Variants in NUP160 observed in about 807,000 individuals in gnomAD.
NUP160 encodes nucleoporin 160.
A neutral mutation model predicts 196.9 loss-of-function variants in NUP160; 94 were observed. The ratio of observed to expected loss-of-function variants is 0.48; its 90% confidence interval spans 0.40 to 0.57. The LOEUF is 0.57. Ranked by LOEUF, NUP160 falls within the 20% of genes least tolerant of loss-of-function variation. The pLI, the probability that NUP160 is intolerant of heterozygous loss-of-function variation, is 0.00. For missense variants in NUP160, 1,638 were observed against 1,748.3 expected, an observed-to-expected ratio of 0.94 and a Z score of 1.13; for synonymous variants, 605 against 619.7, an observed-to-expected ratio of 0.98 and a Z score of 0.35.
chr11:47,842,127 A>T (rs1166530384), intron 2 of NUP160, among the ~76,000 whole-genome samples: 1 of 151,920 alleles, frequency 6.6e-6, no homozygotes, highest in Admixed American at 6.6e-5. Flanking sequence ...GTCTCTTCTC[A>T]TGAATCCTAT....
At chr11:47,848,333 C>T (rs1260148427) in exon 1 of NUP160, 1 of 1,613,670 alleles carries the variant, frequency 6.2e-7, no homozygotes, top group African/African-American at 1.3e-5. Context: ...CCGCCGTCGC[C>T]GCGACGCCCA....
At chr11:47,792,662 T>C (rs1163131131) in intron 28 of NUP160, 124 bp downstream of exon 28, 1 of 900,692 alleles carries the variant, frequency 1.1e-6, no homozygotes, top group East Asian at 2.7e-5. Context: ...TTTTCACAAA[T>C]ATCTCAGTAG....
rs75794871 is a variant in NUP160 at position 47,807,213 on chromosome 11, G to A, written c.2376-73C>T. 1,303 of 875,088 alleles carry A rather than the reference G, an allele frequency of 1.5e-3. 15 individuals are homozygous for A. The African/African-American group carries it at 0.018, about 12-fold the overall frequency. The allele number at this position is 875,088 out of a possible 1,614,324, so 54.2% of individuals were successfully genotyped here. On this transcript the variant is annotated intron_variant, in intron 18 of 35. Transcript: ENST00000378460. ...ACATTACTTCTACAAGCTCTTCTACGAAGAACACTGTCAATTTAATTAATA... is the reference window on the plus strand; with the variant it reads ...ACATTACTTCTACAAGCTCTTCTACAAAGAACACTGTCAATTTAATTAATA...
intron 7 of NUP160, among the ~76,000 whole-genome samples, chr11:47,824,518 G>A (rs1219361662): frequency 2.0e-5 from 3 of 151,892 alleles, no homozygotes; most frequent in East Asian, 1.9e-4. Flanking sequence ...GCTGAGGTAG[G>A]AGAATGGTGT....
At chr11:47,823,087 C>G (rs1411193024) in intron 7 of NUP160, among the ~76,000 whole-genome samples, 1 of 152,160 alleles carries the variant, frequency 6.6e-6, no homozygotes, top group East Asian at 1.9e-4. Context: ...ATATACCCAG[C>G]AATGGGATGG....
At chr11:47,779,337 T>C (rs1042528479) in intron 35 of NUP160, 143 bp from the exon 36 acceptor site, 7 of 598,212 alleles carry the variant, frequency 1.2e-5, no homozygotes, top group East Asian at 8.7e-5. Context: ...CCATTTGTTA[T>C]AGGAGTCTCC....
rs1331544265 is a variant in NUP160 at position 47,847,939 on chromosome 11, C to CA, written c.222dup (p.Gly75TrpfsTer7). 6.2e-7 allele frequency: 1 copy of CA among 1,613,994 alleles called. No individual in the cohort carries two copies. The highest frequency in any genetic ancestry group is 8.5e-7 in the Non-Finnish European group (1 of 1,179,992). On this transcript the variant is annotated frameshift_variant, in exon 2 of 36. Coordinates refer to ENST00000378460, the Ensembl canonical transcript of NUP160. LOFTEE classifies it high-confidence loss of function. ...GCGCTTTCACTGTATTTTACGGCGC[C>CA]AGCCACGGCATTTGCAGTCCCTGCA...
At chr11:47,834,098 A>G (rs1038654386) in intron 7 of NUP160, among the ~76,000 whole-genome samples, 44 of 152,220 alleles carry the variant, frequency 2.9e-4, no homozygotes, top group African/African-American at 9.6e-4. Context: ...TAGATACTGC[A>G]TAATATAAAA....
chr11:47,814,476 G>A (rs527722615), intron 13 of NUP160, among the ~76,000 whole-genome samples: 2 of 151,756 alleles, frequency 1.3e-5, no homozygotes, highest in South Asian at 4.2e-4. Context: ...AGTAGGCGGA[G>A]GTTGCAGTGA....
rs558863897 is a variant in NUP160 at position 47,798,396 on chromosome 11, G to A, written c.2963C>T (p.Thr988Ile). The change falls in exon 24 of 36, where the codon ACT (threonine) becomes ATT (isoleucine). Residue 988 changes from threonine (T) to isoleucine (I), a missense_variant. This residue lies in a region of NUP160 where 1,345 missense variants were observed against 1,470.2 expected (regional missense o/e 0.91). Coordinates refer to ENST00000378460, the Ensembl canonical transcript of NUP160. ...ACTTTTCCAGTCATCACCTGCTTCA[G>A]TTATGGCTGATGTAGCCAACTGAAT... 4.5e-5 allele frequency: 73 copies of A among 1,611,226 alleles called. 1 individual carries two copies. The South Asian group carries it at 6.6e-4, about 15-fold the overall frequency.
At chr11:47,816,735 C>CA (rs2097684689) in intron 11 of NUP160, among the ~76,000 whole-genome samples, 2 of 151,774 alleles carry the variant, frequency 1.3e-5, no homozygotes, top group Admixed American at 1.3e-4. Flanking sequence ...AAGATCGTGC[C>CA]ACCGCACTCC....
At chr11:47,828,394 A>G (rs1386865597) in intron 7 of NUP160, among the ~76,000 whole-genome samples, 2 of 152,230 alleles carry the variant, frequency 1.3e-5, no homozygotes, top group Non-Finnish European at 2.9e-5. Context: ...AATAGCATCA[A>G]AAAGAATCAA....
exon 36 of NUP160, chr11:47,778,983 A>G (rs774868291): frequency 1.4e-6 from 1 of 708,614 alleles, no homozygotes; most frequent in South Asian, 1.5e-5. Flanking sequence ...CAGAATGCAG[A>G]CTTGAATGTT....
intron 14 of NUP160, 110 bp downstream of exon 14, chr11:47,813,206 T>TA: frequency 9.9e-7 from 1 of 1,010,358 alleles, no homozygotes; most frequent in Non-Finnish European, 1.5e-6. Flanking sequence ...TGTGGTGTGG[T>TA]AAAGTGACCA....
upstream of NUP160, chr11:47,848,479 G>T (rs1599355774): frequency 2.2e-6 from 3 of 1,344,150 alleles, no homozygotes; most frequent in Admixed American, 7.5e-5. Context: ...GGGAGAATGA[G>T]GGTGGGCAGC....
rs537759487 is a variant in NUP160 at position 47,801,506 on chromosome 11, C to T, written c.2895+305G>A. Among the ~76,000 whole-genome samples, 20 of 152,166 alleles carry T rather than the reference C, an allele frequency of 1.3e-4. No homozygotes were observed. The South Asian group carries it at 3.3e-3, about 25-fold the overall frequency. On this transcript the variant is annotated intron_variant, in intron 23 of 35. Coordinates refer to ENST00000378460, the Ensembl canonical transcript of NUP160. ...GTGGGATTACAGGCACCCGCCACCACGCCAGGCTAATTTTTGTATTTTTAG... is the reference window on the plus strand; with the variant it reads ...GTGGGATTACAGGCACCCGCCACCATGCCAGGCTAATTTTTGTATTTTTAG...
chr11:47,826,261 T>C (rs767491555), intron 7 of NUP160, among the ~76,000 whole-genome samples: 1 of 152,110 alleles, frequency 6.6e-6, no homozygotes, highest in Non-Finnish European at 1.5e-5. Context: ...ATATGCACCA[T>C]CAGGCCCAGC....
chr11:47,847,164 C>T (rs921748465), intron 2 of NUP160, among the ~76,000 whole-genome samples: 1 of 152,122 alleles, frequency 6.6e-6, no homozygotes, highest in African/African-American at 2.4e-5. Context: ...CCAAACCCGC[C>T]ACATTCTTTC....
rs144811467 is a variant in NUP160, at chr11:47,812,377, T to C, written c.2005A>G (p.Ile669Val). 90 of 1,613,840 alleles carry C rather than the reference T, an allele frequency of 5.6e-5. No homozygotes were observed. In the African/African-American group the frequency reaches 8.4e-4, roughly 15 times the overall value. ...CGTATAAGTAGTCCAATTGCATGGATTGGGTTCCTAATCTCTTGCAGTTTA... is the reference window on the plus strand; with the variant it reads ...CGTATAAGTAGTCCAATTGCATGGACTGGGTTCCTAATCTCTTGCAGTTTA... The change falls in exon 16 of 36, where the codon ATC (isoleucine) becomes GTC (valine). Residue 669 changes from isoleucine to valine, a missense_variant. Physicochemically the swap from Ile to Val is conservative, Grantham distance 29. Transcript: ENST00000378460.
Sources: allele counts gnomAD v4.1 joint callset (sites outside exome capture counted in the v4.1 genomes callset), GRCh38; gene constraint gnomAD v4.1.1; regional missense constraint gnomAD v4.1.1; transcripts MANE v1.5; gene names NCBI Gene and HGNC (gene_info 2026-07-23, HGNC 2026-07-21).